ASTN2: variants seen among roughly 807,000 people sequenced by gnomAD.
ASTN2 encodes astrotactin 2.
Under a neutral mutation model 139.8 loss-of-function variants are expected in ASTN2, and 54 were observed. The observed-to-expected ratio is 0.39, with a 90% confidence interval of 0.31 to 0.48. The LOEUF is 0.48. Ranked by LOEUF, ASTN2 falls within the 20% of genes least tolerant of loss-of-function variation. The pLI is 0.95. For missense variants in ASTN2, 1,565 were observed against 1,725.1 expected (o/e 0.91, Z 1.64); for synonymous variants, 756 against 719.5 (o/e 1.05, Z -0.81).
intron 2 of ASTN2, among the ~76,000 whole-genome samples, chr9:117,225,535 GTATATATATATATATATATATATATA>G (rs58184768): frequency 6.3e-5 from 4 of 63,922 alleles, no homozygotes; most frequent in East Asian, 5.0e-3. Flanking sequence ...CAAGCTGTAT[GTATATATATATATATATATATATATA>G]TATATATATA....
chr9:117,194,710 G>A (rs1261311233), intron 3 of ASTN2, among the ~76,000 whole-genome samples: 1 of 152,200 alleles, frequency 6.6e-6, no homozygotes, highest in African/African-American at 2.4e-5. Flanking sequence ...GTTATCTCCA[G>A]CACATGCTTG....
Position 117,320,201 on chromosome 9 carries a change from A to G in ASTN2, c.443-28688T>C, listed in dbSNP as rs1828285111. 2.0e-5 allele frequency among the ~76,000 whole-genome samples: 3 copies of G among 152,192 alleles called. No homozygotes were observed. The South Asian group carries it at 6.2e-4, about 32-fold the overall frequency. ...AGCAGTAAGGATGACTGGGATGCTC[A>G]CCGAAATACAGATCTCAAGGCCCAC... On this transcript the variant is annotated intron_variant, in intron 1 of 22. Transcript: ENST00000313400.
chr9:116,620,574 A>G, intron 17 of ASTN2, 131 bp from the exon 18 acceptor site: 2 of 1,156,460 alleles, frequency 1.7e-6, no homozygotes, highest in Non-Finnish European at 2.5e-6. Flanking sequence ...GACACCATCT[A>G]TTCCCTAAGT....
chr9:117,126,089 G>A (rs73657661), intron 4 of ASTN2, among the ~76,000 whole-genome samples: 1,743 of 152,176 alleles, frequency 0.011, 34 homozygotes, highest in Middle Eastern at 0.075. Context: ...ATAAAACCCA[G>A]TTTACACAGA....
intron 3 of ASTN2, among the ~76,000 whole-genome samples, chr9:117,163,317 T>C (rs1453226792): frequency 6.6e-6 from 1 of 152,066 alleles, no homozygotes; most frequent in Non-Finnish European, 1.5e-5. Flanking sequence ...ATTCAGTAAA[T>C]GCTGGACTTT....
chr9:117,155,889 A>G (rs1042898661), intron 3 of ASTN2, among the ~76,000 whole-genome samples: 1 of 152,050 alleles, frequency 6.6e-6, no homozygotes, highest in South Asian at 2.1e-4. Context: ...TAAGGTGACC[A>G]CTAAAGTCTA....
At chr9:116,456,957 C>T (rs1177964530) in intron 20 of ASTN2, among the ~76,000 whole-genome samples, 1 of 152,268 alleles carries the variant, frequency 6.6e-6, no homozygotes, top group Non-Finnish European at 1.5e-5. Flanking sequence ...AATTATACTA[C>T]AGAGCTATAG....
intron 2 of ASTN2, among the ~76,000 whole-genome samples, chr9:117,238,149 AG>A (rs1032793463): frequency 6.6e-6 from 1 of 152,162 alleles, no homozygotes; most frequent in Non-Finnish European, 1.5e-5. Flanking sequence ...TGTGGCGGGA[AG>A]GAAGGAAGGG....
intron 16 of ASTN2, among the ~76,000 whole-genome samples, chr9:116,679,573 T>C (rs1266842260): frequency 6.6e-6 from 1 of 152,030 alleles, no homozygotes; most frequent in Non-Finnish European, 1.5e-5. Context: ...TGTCTTCAAG[T>C]GTGGCTGCCC....
intron 5 of ASTN2, among the ~76,000 whole-genome samples, chr9:117,046,206 G>A (rs1225251831): frequency 1.3e-5 from 2 of 152,000 alleles, no homozygotes; most frequent in Non-Finnish European, 2.9e-5. Context: ...TCACCATGTT[G>A]GCCAGGCTAG....
At chr9:116,712,367 T>C (rs1408565725) in intron 16 of ASTN2, among the ~76,000 whole-genome samples, 1 of 152,334 alleles carries the variant, frequency 6.6e-6, no homozygotes, top group Middle Eastern at 3.4e-3. Context: ...GTGATTTTTC[T>C]CATTAAATAT....
At chr9:116,477,056 G>A (rs554431193) in intron 20 of ASTN2, among the ~76,000 whole-genome samples, 12 of 151,904 alleles carry the variant, frequency 7.9e-5, no homozygotes, top group Non-Finnish European at 1.8e-4. Context: ...ACTCCACAAG[G>A]TCACATGAGC....
chr9:117,178,616 G>C (rs1280365557), intron 3 of ASTN2, among the ~76,000 whole-genome samples: 1 of 152,168 alleles, frequency 6.6e-6, no homozygotes, highest in Non-Finnish European at 1.5e-5. Flanking sequence ...AAAATCAGAG[G>C]GGGCAAAGTT....
At chr9:117,280,347 C>T (rs939212369) in intron 2 of ASTN2, among the ~76,000 whole-genome samples, 2 of 152,136 alleles carry the variant, frequency 1.3e-5, no homozygotes, top group Non-Finnish European at 2.9e-5. Context: ...GATATGCCCA[C>T]ACCCTAATCC....
chr9:116,482,859 C>G (rs367559603), intron 20 of ASTN2, among the ~76,000 whole-genome samples: 10 of 152,188 alleles, frequency 6.6e-5, no homozygotes, highest in African/African-American at 2.4e-4. Context: ...GAGGGCGGGT[C>G]TGGGGCAAGC....
chr9:117,329,486 A>G (rs1828632250), intron 1 of ASTN2, among the ~76,000 whole-genome samples: 1 of 152,126 alleles, frequency 6.6e-6, no homozygotes, highest in Non-Finnish European at 1.5e-5. Context: ...CCTTGAAGGT[A>G]GAGACTAAGT....
intron 6 of ASTN2, among the ~76,000 whole-genome samples, chr9:117,024,418 A>G (rs959251482): frequency 1.3e-5 from 2 of 151,728 alleles, no homozygotes; most frequent in African/African-American, 4.9e-5. Context: ...TTTTTTTTAA[A>G]AAGTTATTGT....
chr9:116,893,376 C>A (rs1005974106), intron 10 of ASTN2, among the ~76,000 whole-genome samples: 6 of 152,114 alleles, frequency 3.9e-5, no homozygotes, highest in African/African-American at 1.4e-4. Context: ...AGTTTTTCTC[C>A]ATTATAATTA....
At chr9:116,460,806 C>T (rs183398852) in intron 20 of ASTN2, among the ~76,000 whole-genome samples, 1 of 152,142 alleles carries the variant, frequency 6.6e-6, no homozygotes, top group Admixed American at 6.6e-5. Context: ...GTTTCTTTGT[C>T]AGTAAAATAA....
Sources: allele counts gnomAD v4.1 joint callset (sites outside exome capture counted in the v4.1 genomes callset), GRCh38; gene constraint gnomAD v4.1.1; transcripts MANE v1.5; gene names NCBI Gene and HGNC (gene_info 2026-07-23, HGNC 2026-07-21).